SHANK2: variants seen among roughly 807,000 people sequenced by gnomAD.
SHANK2 encodes the protein SH3 and multiple ankyrin repeat domains protein 2.
SHANK2 carries 43 observed loss-of-function variants against 133.7 expected under a neutral mutation model. The ratio of observed to expected loss-of-function variants is 0.32; its 90% CI spans 0.25 to 0.41. SHANK2 has a LOEUF of 0.41. SHANK2 is among the 10% of genes least tolerant of loss of function. The probability of loss-of-function intolerance (pLI) is 1.00; values close to 1 mark genes in which losing one functional copy is unlikely to be tolerated. For synonymous variants in SHANK2, 1,017 were observed against 952.8 expected (o/e 1.07, Z -1.24); for missense variants, 1,994 against 2,235.8 (o/e 0.89, Z 2.18).
Position 71,080,960 on chromosome 11 carries a change from G to A in SHANK2, c.913-5685C>T, listed in dbSNP as rs955366116. Among the ~76,000 whole-genome samples the A allele has an allele frequency of 6.6e-5, 10 of 152,298 alleles. No individual in the cohort carries two copies. In the East Asian group the frequency reaches 1.4e-3, roughly 21 times the overall value. ...GCTAGTTCAGTTTTGTTGGTGTTGCGGGCTGAATTGCATCCCTGCAGCATT... is the reference window on the plus strand; with the variant it reads ...GCTAGTTCAGTTTTGTTGGTGTTGCAGGCTGAATTGCATCCCTGCAGCATT... On this transcript the variant is annotated intron_variant, in intron 8 of 25. Transcript: ENST00000601538.
At chr11:70,523,125 A>G (rs1397675591) in intron 17 of SHANK2, among the ~76,000 whole-genome samples, 1 of 152,288 alleles carries the variant, frequency 6.6e-6, no homozygotes, top group African/African-American at 2.4e-5. Flanking sequence ...CCCGAGCATC[A>G]AAGCACGCGG....
At chr11:70,863,699 C>T (rs1182082494) in intron 11 of SHANK2, 17 of 421,120 alleles carry the variant, frequency 4.0e-5, no homozygotes, top group African/African-American at 1.0e-4. Context: ...ACTGGCACCC[C>T]GTTTCGGCCT....
At chr11:70,490,091 G>A in intron 23 of SHANK2, 185 bp downstream of exon 23, 2 of 593,128 alleles carry the variant, frequency 3.4e-6, no homozygotes, top group Non-Finnish European at 3.1e-6. Flanking sequence ...CCACTCAGAT[G>A]TTCCAATGGC....
At chr11:71,203,927 G>A (rs12289222) in intron 2 of SHANK2, among the ~76,000 whole-genome samples, 1,978 of 152,270 alleles carry the variant, frequency 0.013, 43 homozygotes, top group African/African-American at 0.045. Flanking sequence ...AACCATCTAC[G>A]TGCCGCCCCG....
chr11:70,681,663 G>A (rs1945031835), intron 15 of SHANK2, among the ~76,000 whole-genome samples: 1 of 152,116 alleles, frequency 6.6e-6, no homozygotes, highest in Non-Finnish European at 1.5e-5. Context: ...GCTGGGGCAC[G>A]CTGAGCTCCC....
intron 17 of SHANK2, among the ~76,000 whole-genome samples, chr11:70,584,844 G>C (rs1351736170): frequency 6.6e-6 from 1 of 152,208 alleles, no homozygotes; most frequent in Non-Finnish European, 1.5e-5. Context: ...CGGTACACAG[G>C]ACCTGCCTGA....
intron 2 of SHANK2, among the ~76,000 whole-genome samples, chr11:71,161,898 T>G (rs1322137324): frequency 6.6e-6 from 1 of 152,244 alleles, no homozygotes; most frequent in African/African-American, 2.4e-5. Context: ...CTATTTTTCA[T>G]TGGCATTTTC....
rs1172840980 is a variant in SHANK2, at chr11:71,056,150, G to A, written c.1107+331C>T. Among the ~76,000 whole-genome samples, 8 of 152,302 alleles carry A rather than the reference G, an allele frequency of 5.3e-5. 1 individual carries two copies. In the East Asian group the frequency reaches 1.6e-3, roughly 30 times the overall value. ...CTCAGGAAGCTTGTCCCACTGGATG[G>A]AGGGGCGGCAGAGCCAGCATCTCCC... On this transcript the variant is annotated intron_variant, in intron 10 of 25. Transcript: ENST00000601538.
chr11:70,722,273 C>T (rs1028879297), intron 14 of SHANK2, among the ~76,000 whole-genome samples: 6 of 152,224 alleles, frequency 3.9e-5, no homozygotes, highest in African/African-American at 1.4e-4. Flanking sequence ...CAAAGTTGGC[C>T]TTAGTGGCTG....
At chr11:70,714,916 C>A (rs1945875100) in intron 14 of SHANK2, among the ~76,000 whole-genome samples, 2 of 152,082 alleles carry the variant, frequency 1.3e-5, no homozygotes, top group Admixed American at 6.5e-5. Flanking sequence ...AGCAATCCTC[C>A]TGCCTCAGCC....
intron 2 of SHANK2, among the ~76,000 whole-genome samples, chr11:71,213,327 C>T (rs1954325264): frequency 6.6e-6 from 1 of 152,156 alleles, no homozygotes; most frequent in South Asian, 2.1e-4. Flanking sequence ...CCAAGATTAC[C>T]ATACTCTTTC....
intron 17 of SHANK2, among the ~76,000 whole-genome samples, chr11:70,586,893 T>C (rs2060261563): frequency 6.6e-6 from 1 of 152,274 alleles, no homozygotes; most frequent in South Asian, 2.1e-4. Flanking sequence ...ATGAAAATAA[T>C]GCAGAAAAGG....
chr11:70,556,818 C>T (rs1038583025), intron 17 of SHANK2, among the ~76,000 whole-genome samples: 1 of 152,122 alleles, frequency 6.6e-6, no homozygotes, highest in African/African-American at 2.4e-5. Flanking sequence ...TCTCTAACTC[C>T]TGGCCTCAAG....
chr11:70,815,352 G>A (rs7125047), intron 12 of SHANK2, among the ~76,000 whole-genome samples: 3,944 of 152,214 alleles, frequency 0.026, 75 homozygotes, highest in Middle Eastern at 0.068. Flanking sequence ...AGTGTGGGGC[G>A]TGTTCCTCTC....
rs1296771460 is a variant in SHANK2, at chr11:70,912,100, AAAAAAAAAAAAAAAAGAAAG to A, written c.1108-15553_1108-15534del. On this transcript the variant is annotated intron_variant, in intron 10 of 25. Coordinates refer to ENST00000601538, the MANE Select transcript of SHANK2 (RefSeq NM_012309.5). ...CTGTCAAAAAAAAAAAAAAAAAAAA[AAAAAAAAAAAAAAAAGAAAG>A]AAAGAAAGAAAGAAAAGAGAAGAGA... 2.0e-3 allele frequency among the ~76,000 whole-genome samples: 266 copies of A among 133,770 alleles called. 1 individual carries two copies. Among genetic ancestry groups the A allele is most frequent in the African/African-American group, 8.3e-3 (249 of 29,938 alleles). The allele number at this position is 133,770 out of a possible 152,430, so 87.8% of individuals were successfully genotyped here. A position where few individuals can be genotyped will look rare whatever the true frequency, so the allele number is the denominator to read the frequency against.
At chr11:70,640,173 T>C (rs1446398202) in intron 17 of SHANK2, among the ~76,000 whole-genome samples, 1 of 152,168 alleles carries the variant, frequency 6.6e-6, no homozygotes, top group Non-Finnish European at 1.5e-5. Context: ...GGGATCTTAT[T>C]TGGAAAGAGT....
At chr11:71,133,696 C>CA (rs1241197475) in intron 3 of SHANK2, among the ~76,000 whole-genome samples, 5 of 152,032 alleles carry the variant, frequency 3.3e-5, no homozygotes, top group Admixed American at 6.6e-5. Context: ...TCCATGGACT[C>CA]AAAGTTTTTG....
intron 9 of SHANK2, among the ~76,000 whole-genome samples, chr11:71,057,517 G>C (rs1950934620): frequency 1.3e-5 from 2 of 152,314 alleles, no homozygotes; most frequent in South Asian, 4.1e-4. Flanking sequence ...GAAAGGAAAA[G>C]GATTAGGGAG....
chr11:70,666,618 C>A (rs574586405), intron 15 of SHANK2, among the ~76,000 whole-genome samples: 42 of 152,312 alleles, frequency 2.8e-4, no homozygotes, highest in Non-Finnish European at 5.1e-4. Context: ...CCTGCCCCTG[C>A]ACCAGCAGAC....
Sources: gnomAD v4.1 joint callset for allele counts (sites outside exome capture counted in the v4.1 genomes callset) on GRCh38, gnomAD v4.1.1 for gene constraint, MANE v1.5 for transcripts, NCBI Gene and HGNC (gene_info 2026-07-23, HGNC 2026-07-21) for gene names.